The following C13orf46 variants were observed in gnomAD, a reference collection of about 807,000 sequenced individuals.
The protein encoded by C13orf46 is chromosome 13 open reading frame 46.
the C13orf46 span, among the ~76,000 whole-genome samples, chr13:113,937,226 G>T: frequency 6.6e-6 from 1 of 152,066 alleles, no homozygotes; most frequent in Non-Finnish European, 1.5e-5. Context: ...CATGCCTGTG[G>T]CATCCCCGGT....
chr13:113,972,201 C>T (rs2052714653), intron 1 of C13orf46, among the ~76,000 whole-genome samples: 1 of 152,190 alleles, frequency 6.6e-6, no homozygotes, highest in Non-Finnish European at 1.5e-5. Context: ...ACTCCCCGCC[C>T]CAACTTAAAT....
chr13:113,961,699 G>GT (rs2138982890), intron 6 of C13orf46, among the ~76,000 whole-genome samples: 1 of 152,302 alleles, frequency 6.6e-6, no homozygotes, highest in East Asian at 1.9e-4. Flanking sequence ...AGTGGTTCCA[G>GT]TTTTGTTCAC....
downstream of C13orf46, among the ~76,000 whole-genome samples, chr13:113,953,177 C>A (rs1175254809): frequency 1.3e-5 from 2 of 152,208 alleles, no homozygotes; most frequent in African/African-American, 2.4e-5. Flanking sequence ...CTGCTGAGTG[C>A]CCTGAACAGC....
At chr13:113,967,158 A>T (rs1315091352) in intron 5 of C13orf46, among the ~76,000 whole-genome samples, 183 bp downstream of exon 5, 4 of 152,146 alleles carry the variant, frequency 2.6e-5, no homozygotes, top group African/African-American at 9.7e-5. Context: ...AAGAGGCTAG[A>T]CCAATCCTCA....
At chr13:113,963,565 A>G (rs1431615215) in intron 6 of C13orf46, among the ~76,000 whole-genome samples, 10 of 121,378 alleles carry the variant, frequency 8.2e-5, no homozygotes, top group African/African-American at 2.5e-4. Context: ...TCCAGTCCTC[A>G]GCCTCGCCCC....
chr13:113,957,310 C>T (rs2052545059), intron 6 of C13orf46, among the ~76,000 whole-genome samples: 1 of 141,080 alleles, frequency 7.1e-6, no homozygotes, highest in African/African-American at 2.7e-5. Flanking sequence ...CACTCTGCAC[C>T]CCCTTTCATC....
At chr13:113,965,776 G>GGTGA (rs2052633227) in intron 5 of C13orf46, among the ~76,000 whole-genome samples, 80 of 101,832 alleles carry the variant, frequency 7.9e-4, no homozygotes, top group African/African-American at 3.3e-3. Context: ...GATGGTGATG[G>GGTGA]TGATGATGGT....
At chr13:113,933,573 C>A in the C13orf46 span, among the ~76,000 whole-genome samples, 1 of 152,262 alleles carries the variant, frequency 6.6e-6, no homozygotes, top group East Asian at 1.9e-4. Flanking sequence ...TGTGTTGATT[C>A]TGGAGATCAA....
downstream of C13orf46, among the ~76,000 whole-genome samples, chr13:113,949,985 CT>C (rs2052482583): frequency 6.6e-6 from 1 of 151,744 alleles, no homozygotes; most frequent in African/African-American, 2.4e-5. Flanking sequence ...GTGCTTCCAT[CT>C]GTAGAGTGGG....
At chr13:113,964,577 C>T (rs1215666656) in intron 6 of C13orf46, among the ~76,000 whole-genome samples, 1 of 152,212 alleles carries the variant, frequency 6.6e-6, no homozygotes, top group Non-Finnish European at 1.5e-5. Flanking sequence ...AAGTCAGTAC[C>T]ATGCACTTAT....
At chr13:113,947,889 G>T in the C13orf46 span, among the ~76,000 whole-genome samples, 1 of 152,238 alleles carries the variant, frequency 6.6e-6, no homozygotes, top group Non-Finnish European at 1.5e-5. Flanking sequence ...ATATCCATGG[G>T]ATTGGGGGTC....
chr13:113,945,247 G>A, the C13orf46 span, among the ~76,000 whole-genome samples: 1 of 152,240 alleles, frequency 6.6e-6, no homozygotes, highest in African/African-American at 2.4e-5. Context: ...CCCTCTCCCA[G>A]GCCACACCAC....
In C13orf46 at chr13:113,968,458, A is replaced by C. The variant is rs2138992072; in HGVS notation, c.456+9T>G. The C allele has an allele frequency of 6.6e-6, 1 of 152,322 alleles. No individual in the cohort carries two copies. The highest frequency in any genetic ancestry group is 2.1e-4 in the South Asian group (1 of 4,820). 9.4% of individuals were successfully genotyped at this position (152,322 alleles called of 1,614,324 possible). A position where few individuals can be genotyped will look rare whatever the true frequency, so the allele number is the denominator to read the frequency against. ...TCTCACTTCTATTACTAAAGGGAAA[A>C]GCTCTTACCTCTTCTTCCTGAAGGT... On this transcript the variant is annotated intron_variant, in intron 4 of 6. Coordinates refer to ENST00000636427, the MANE Select transcript of C13orf46 (RefSeq NM_001365455.2).
rs1397299680 is a variant in C13orf46, at chr13:113,955,767, C to T, written c.*1006G>A. 177 of 117,550 alleles carry T rather than the reference C, an allele frequency of 1.5e-3. 2 individuals are homozygous for T. The highest frequency in any genetic ancestry group is 2.4e-3 in the Non-Finnish European group (129 of 53,676). 7.3% of individuals were successfully genotyped at this position (117,550 alleles called of 1,614,324 possible). A position where few individuals can be genotyped will look rare whatever the true frequency, so the allele number is the denominator to read the frequency against. On this transcript the variant is annotated 3_prime_UTR_variant, in exon 7 of 7. Transcript: ENST00000636427. Reference sequence around the variant, plus strand: ...TCTGGCAGAGAGGAGGAGCATCCGGCGGAGACGAGGAGCAGCCGGCGGAGA... The same window carrying T: ...TCTGGCAGAGAGGAGGAGCATCCGGTGGAGACGAGGAGCAGCCGGCGGAGA...
At chr13:113,931,173 G>A in the C13orf46 span, among the ~76,000 whole-genome samples, 4 of 152,220 alleles carry the variant, frequency 2.6e-5, no homozygotes, top group African/African-American at 9.7e-5. Context: ...GTTCCCTCCC[G>A]GCCCCCAGAG....
At chr13:113,965,909 T>C (rs1357498463) in intron 5 of C13orf46, among the ~76,000 whole-genome samples, 4 of 133,434 alleles carry the variant, frequency 3.0e-5, no homozygotes, top group Non-Finnish European at 4.6e-5. Flanking sequence ...ATGATGGCGA[T>C]GGTGATGGTG....
chr13:113,932,631 T>G, the C13orf46 span, among the ~76,000 whole-genome samples: 2 of 152,264 alleles, frequency 1.3e-5, no homozygotes, highest in Non-Finnish European at 1.5e-5. Flanking sequence ...GAAGTCCTTT[T>G]TGAACATGGT....
chr13:113,971,971 T>A (rs1257697685), intron 1 of C13orf46, among the ~76,000 whole-genome samples: 3 of 152,106 alleles, frequency 2.0e-5, no homozygotes, highest in African/African-American at 7.2e-5. Context: ...TGCTGGTGCC[T>A]GGGGGAGGCT....
At chr13:113,944,044 C>T in the C13orf46 span, among the ~76,000 whole-genome samples, 133 of 152,314 alleles carry the variant, frequency 8.7e-4, no homozygotes, top group African/African-American at 3.0e-3. Flanking sequence ...CCAAGACGCA[C>T]GCTGCAGGTC....
Sources: gnomAD v4.1 joint callset for allele counts (sites outside exome capture counted in the v4.1 genomes callset) on GRCh38, gnomAD v4.1.1 for gene constraint, MANE v1.5 for transcripts, NCBI Gene and HGNC (gene_info 2026-07-23, HGNC 2026-07-21) for gene names.